Variants in TRAFD1 observed in about 807,000 individuals in gnomAD.
The protein encoded by TRAFD1 is TRAF-type zinc finger domain-containing protein 1.
Under a neutral mutation model 65.3 loss-of-function variants are expected in TRAFD1, and 38 were observed. The ratio of observed to expected loss-of-function variants is 0.58; its 90% CI spans 0.45 to 0.76. The LOEUF (loss-of-function observed/expected upper bound fraction) is 0.76, where lower values mean the gene tolerates loss of function less well. Among genes scored for constraint, TRAFD1 ranks in the 30% least tolerant of loss-of-function variants. The pLI, the probability that TRAFD1 is intolerant of heterozygous loss-of-function variation, is 0.00. For missense variants in TRAFD1, 631 were observed against 712.6 expected (o/e 0.89, Z 1.30); for synonymous variants, 223 against 257.2 (o/e 0.87, Z 1.27).
intron 1 of TRAFD1, among the ~76,000 whole-genome samples, chr12:112,128,354 G>A (rs1269622929): frequency 6.6e-6 from 1 of 152,156 alleles, no homozygotes; most frequent in Non-Finnish European, 1.5e-5. Flanking sequence ...CTAAATACAT[G>A]TTTTGAAAAG....
intron 6 of TRAFD1, among the ~76,000 whole-genome samples, chr12:112,142,919 T>TA: frequency 8.0e-6 from 1 of 124,798 alleles, no homozygotes; most frequent in East Asian, 3.5e-4. Context: ...ATTCTGAACA[T>TA]TTTTTTTTTT....
At chr12:112,132,031 C>G (rs905591102) in intron 2 of TRAFD1, among the ~76,000 whole-genome samples, 4 of 152,004 alleles carry the variant, frequency 2.6e-5, no homozygotes, top group African/African-American at 9.7e-5. Context: ...TCCTGAACAG[C>G]CTTGTAAAGT....
At position 112,142,127 on chromosome 12, in the gene TRAFD1, C is replaced by G; in HGVS notation, c.682C>G (p.Gln228Glu). The stretch of plus-strand genomic sequence containing the variant: ...GAGGCAGGAAAGGAATAGAGGCCAA[C>G]AGCCCCCCAAAGAGGGTGGTGAAGA... ...QERQERNRGQ[Q>E]PPKEGGEESA... Residue 228 changes from glutamine to glutamate, a missense_variant, in exon 6 of 12, where the codon CAG (glutamine) becomes GAG (glutamate). Physicochemically the swap from Gln to Glu is conservative, Grantham distance 29. Transcript: ENST00000412615. The G allele has an allele frequency of 6.2e-7, 1 of 1,613,438 alleles. No individual in the cohort carries two copies. The highest frequency in any genetic ancestry group is 8.5e-7 in the Non-Finnish European group (1 of 1,179,794).
intron 1 of TRAFD1, among the ~76,000 whole-genome samples, chr12:112,127,950 A>T (rs1038488007): frequency 4.0e-5 from 6 of 150,458 alleles, no homozygotes; most frequent in African/African-American, 1.5e-4. Context: ...TGATCCACCC[A>T]CCCCAGCCTT....
At chr12:112,142,769 A>G (rs1036135224) in intron 6 of TRAFD1, among the ~76,000 whole-genome samples, 1 of 152,224 alleles carries the variant, frequency 6.6e-6, no homozygotes, top group Non-Finnish European at 1.5e-5. Context: ...TCAAAGGCAC[A>G]TGATGAAGTA....
intron 6 of TRAFD1, among the ~76,000 whole-genome samples, chr12:112,144,028 A>G (rs780139008): frequency 6.6e-6 from 1 of 152,106 alleles, no homozygotes; most frequent in Non-Finnish European, 1.5e-5. Flanking sequence ...TGCGCCCAGC[A>G]TAGTTCCCTC....
At position 112,134,995 on chromosome 12, in the gene TRAFD1, T is replaced by C. The variant is rs2079589880; in HGVS notation, c.184-18T>C. ...ATTGTCCCAAAGCCAATTTACTGATTCTCACTTCTTACTCTAGGTGACCTG... is the reference window on the plus strand; with the variant it reads ...ATTGTCCCAAAGCCAATTTACTGATCCTCACTTCTTACTCTAGGTGACCTG... On this transcript the variant is annotated intron_variant, in intron 3 of 11. Transcript: ENST00000412615. 1 of 1,614,082 alleles carries C rather than the reference T, an allele frequency of 6.2e-7. No individual in the cohort carries two copies. The highest frequency in any genetic ancestry group is 8.5e-7 in the Non-Finnish European group (1 of 1,180,034).
chr12:112,149,745 G>A lies in TRAFD1; in HGVS notation c.1159-6G>A, dbSNP rs751482095. 1.2e-6 allele frequency: 2 copies of A among 1,613,872 alleles called. No individual in the cohort carries two copies. Among genetic ancestry groups the A allele is most frequent in the Non-Finnish European group, 1.7e-6 (2 of 1,179,856 alleles). On this transcript the variant is annotated splice_polypyrimidine_tract_variant and splice_region_variant and intron_variant, in intron 8 of 11. Transcript: ENST00000412615. ...AGAGGTACTAATTCTGGTTTTTCTTGTTTAGGACCAGTGTGACCAACGCCC... is the reference window on the plus strand; with the variant it reads ...AGAGGTACTAATTCTGGTTTTTCTTATTTAGGACCAGTGTGACCAACGCCC...
intron 4 of TRAFD1, 144 bp downstream of exon 4, chr12:112,135,210 A>G: frequency 2.2e-6 from 2 of 921,596 alleles, no homozygotes; most frequent in Non-Finnish European, 3.4e-6. Context: ...TGAGGCCTTG[A>G]CTATGTAACT....
rs2030072787 is a variant in TRAFD1, at chr12:112,141,034, T to A, written c.453T>A (p.Asn151Lys). ...EKRNEVAIPP[N>K]AYDESWGQDG... ...GAAATGAGGTTGCCATACCTCCTAA[T>A]GCATATGATGAATCTTGGGGTCAGG... Residue 151 changes from asparagine to lysine, a missense_variant, in exon 5 of 12, where the codon AAT becomes AAA. Transcript: ENST00000412615. 1.9e-6 allele frequency: 3 copies of A among 1,614,054 alleles called. No individual in the cohort carries two copies. The highest frequency in any genetic ancestry group is 1.7e-5 in the Admixed American group (1 of 60,002).
At chr12:112,147,422 A>G (rs1335374131) in intron 7 of TRAFD1, among the ~76,000 whole-genome samples, 1 of 152,182 alleles carries the variant, frequency 6.6e-6, no homozygotes, top group Non-Finnish European at 1.5e-5. Context: ...ATGAAATAAT[A>G]TATTATTTGA....
Position 112,134,755 on chromosome 12 carries a change from T to G in TRAFD1, c.65T>G (p.Val22Gly). 6.2e-7 allele frequency: 1 copy of G among 1,612,188 alleles called. No homozygotes were observed. Among genetic ancestry groups the G allele is most frequent in the Non-Finnish European group, 8.5e-7 (1 of 1,178,296 alleles). ...TTCCGTAGCAAAAAAGAAATTCCTG[T>G]GTTTAACTTTACCATCCATGAGATC... is the stretch of plus-strand genomic sequence containing the variant. ...LCDNCKKEIPVFNFTIHEIHC... is the reference protein window; with the variant it reads ...LCDNCKKEIPGFNFTIHEIHC... Residue 22 changes from valine to glycine, a missense_variant, in exon 3 of 12, where the codon GTG becomes GGG. Physicochemically the swap from Val to Gly is moderately radical, Grantham distance 109 (BLOSUM62 -3). Coordinates refer to ENST00000412615, the MANE Select transcript of TRAFD1 (RefSeq NM_006700.3).
rs1465505990 is a variant in TRAFD1, at chr12:112,130,223, C to T, written c.-12-288C>T. ...CTGGGCTCAAGTGATCCGCCTGCCT[C>T]GGCCTCCCAAAGTACTGAGATTACA... On this transcript the variant is annotated intron_variant, in intron 1 of 11. Coordinates refer to ENST00000412615, the MANE Select transcript of TRAFD1 (RefSeq NM_006700.3). The surrounding 1 kb of genome is among the most constrained non-coding windows in gnomAD (Gnocchi z 4.4). 1.3e-5 allele frequency among the ~76,000 whole-genome samples: 2 copies of T among 151,934 alleles called. No homozygotes were observed. The highest frequency in any genetic ancestry group is 2.9e-5 in the Non-Finnish European group (2 of 68,004).
At position 112,134,757 on chromosome 12, in the gene TRAFD1, T is replaced by C. The variant is rs751079505; in HGVS notation, c.67T>C (p.Phe23Leu). Residue 23 changes from phenylalanine to leucine, a missense_variant, in exon 3 of 12, where the codon TTT becomes CTT. Coordinates refer to ENST00000412615, the MANE Select transcript of TRAFD1 (RefSeq NM_006700.3). ...CDNCKKEIPVFNFTIHEIHCQ... is the reference protein window; with the variant it reads ...CDNCKKEIPVLNFTIHEIHCQ... ...CCGTAGCAAAAAAGAAATTCCTGTGTTTAACTTTACCATCCATGAGATCCA... is the reference window on the plus strand; with the variant it reads ...CCGTAGCAAAAAAGAAATTCCTGTGCTTAACTTTACCATCCATGAGATCCA... 6.2e-7 allele frequency: 1 copy of C among 1,612,448 alleles called. No individual in the cohort carries two copies. Among genetic ancestry groups the C allele is most frequent in the Admixed American group, 1.7e-5 (1 of 59,988 alleles).
chr12:112,142,390 T>C lies in TRAFD1; in HGVS notation c.850+95T>C, dbSNP rs571217768. The C allele has an allele frequency of 2.6e-4, 357 of 1,397,388 alleles. 1 individual carries two copies. Among genetic ancestry groups the C allele is most frequent in the African/African-American group, 7.3e-4 (50 of 68,672 alleles). The allele number at this position is 1,397,388 out of a possible 1,614,324, so 86.6% of individuals were successfully genotyped here. A position where few individuals can be genotyped will look rare whatever the true frequency, so the allele number is the denominator to read the frequency against. ...ATACAATTGAAAGATTTTAATGAAA[T>C]AGAATTTGCCTTACTCTTTTTTGTT... On this transcript the variant is annotated intron_variant, in intron 6 of 11. Coordinates refer to ENST00000412615, the MANE Select transcript of TRAFD1 (RefSeq NM_006700.3).
intron 2 of TRAFD1, among the ~76,000 whole-genome samples, chr12:112,133,566 C>T (rs936027788): frequency 6.6e-6 from 1 of 152,104 alleles, no homozygotes; most frequent in African/African-American, 2.4e-5. Flanking sequence ...TTTGGAATAG[C>T]CTAGCTCCAC....
chr12:112,127,661 C>CTTTTTTTTTTTTTTTTTTT, intron 1 of TRAFD1, among the ~76,000 whole-genome samples: 1 of 149,084 alleles, frequency 6.7e-6, no homozygotes, highest in South Asian at 2.1e-4. Context: ...TAATTTTTTG[C>CTTTTTTTTTTTTTTTTTTT]TTTTTTGTTT....
At position 112,142,096 on chromosome 12, in the gene TRAFD1, A is replaced by G. The variant is rs556936551; in HGVS notation, c.651A>G (p.Glu217=). Residue 217 remains glutamate, a synonymous_variant, in exon 6 of 12, where the codon GAA becomes GAG. Coordinates refer to ENST00000412615, the MANE Select transcript of TRAFD1 (RefSeq NM_006700.3). ...QVSIQNNLFE[E]QERQERNRGQ... ...TTGGTTTTTTTTTTTCAGTTGAAGA[A>G]CAAGAGAGGCAGGAAAGGAATAGAG... 7.4e-6 allele frequency: 12 copies of G among 1,613,334 alleles called. No individual in the cohort carries two copies. The highest frequency in any genetic ancestry group is 6.7e-5 in the African/African-American group (5 of 75,004).
chr12:112,141,289 G>T (rs753285617), intron 5 of TRAFD1, 65 bp downstream of exon 5: 1 of 1,563,690 alleles, frequency 6.4e-7, no homozygotes. Context: ...TGGGAACAGG[G>T]CTTTGGGGCC....
Sources: gnomAD v4.1 joint callset for allele counts (sites outside exome capture counted in the v4.1 genomes callset) on GRCh38, gnomAD v4.1.1 for gene constraint, Gnocchi (gnomAD v3.1) non-coding constraint, MANE v1.5 for transcripts, NCBI Gene and HGNC (gene_info 2026-07-23, HGNC 2026-07-21) for gene names.